The following SDK1 variants were observed in gnomAD, a reference collection of about 807,000 sequenced individuals.
The protein encoded by SDK1 is protein sidekick-1.
SDK1 carries 157 observed loss-of-function variants against 245.5 expected under a neutral mutation model. The observed-to-expected ratio is 0.64, with a 90% CI of 0.56 to 0.73. The LOEUF is 0.73. Ranked by LOEUF, SDK1 falls within the 30% of genes least tolerant of loss-of-function variation. The pLI is 0.00. For synonymous variants in SDK1, 1,647 were observed against 1,278.5 expected, an observed-to-expected ratio of 1.29 and a Z score of -6.15; for missense variants, 3,583 against 3,002.3, an observed-to-expected ratio of 1.19 and a Z score of -4.52.
chr7:3,500,350 A>G (rs1340232781), intron 1 of SDK1, among the ~76,000 whole-genome samples: 1 of 152,080 alleles, frequency 6.6e-6, no homozygotes, highest in Non-Finnish European at 1.5e-5. Flanking sequence ...TGAGAAATGC[A>G]TTCTTTGAGA....
At chr7:3,451,779 C>T (rs990963948) in intron 1 of SDK1, among the ~76,000 whole-genome samples, 1 of 152,190 alleles carries the variant, frequency 6.6e-6, no homozygotes, top group African/African-American at 2.4e-5. Context: ...AAAACGTCCA[C>T]ATTTTTTCTC....
intron 17 of SDK1, among the ~76,000 whole-genome samples, chr7:4,027,509 G>A (rs927997636): frequency 1.3e-5 from 2 of 152,110 alleles, no homozygotes; most frequent in Non-Finnish European, 2.9e-5. Context: ...GCCCAGGAGG[G>A]CCTATGAATT....
Position 3,929,222 on chromosome 7 carries a change from G to A in SDK1, c.848-21701G>A, listed in dbSNP as rs568637315. Among the ~76,000 whole-genome samples, 7 of 152,290 alleles carry A rather than the reference G, an allele frequency of 4.6e-5. No individual in the cohort carries two copies. The East Asian group carries it at 5.8e-4, about 13-fold the overall frequency. On this transcript the variant is annotated intron_variant, in intron 5 of 44. Transcript: ENST00000404826. ...TACCATCCTTAACAGCAAGCTTGCC[G>A]CCAAATTCCGTCACTGATTATTTTG...
intron 35 of SDK1, among the ~76,000 whole-genome samples, chr7:4,193,445 A>G (rs1783360566): frequency 6.8e-6 from 1 of 147,604 alleles, no homozygotes; most frequent in Admixed American, 7.0e-5. Context: ...AAGGACCAAC[A>G]ATAGGCTGGG....
At chr7:3,341,310 A>T (rs762985537) in intron 1 of SDK1, among the ~76,000 whole-genome samples, 2 of 152,206 alleles carry the variant, frequency 1.3e-5, no homozygotes, top group Admixed American at 6.5e-5. Flanking sequence ...TCCAACATTC[A>T]TTCATGATTA....
At chr7:4,265,024 C>T (rs944325799) in intron 44 of SDK1, 100 bp from the exon 45 acceptor site, 6 of 1,500,546 alleles carry the variant, frequency 4.0e-6, no homozygotes, top group Admixed American at 2.1e-5. Context: ...CCGCGACACA[C>T]GCCCCTGGGG....
intron 32 of SDK1, among the ~76,000 whole-genome samples, chr7:4,162,911 G>A (rs1484676092): frequency 1.3e-5 from 2 of 152,242 alleles, no homozygotes; most frequent in Non-Finnish European, 2.9e-5. Flanking sequence ...AACTGCCCAA[G>A]GAAGGGCTGC....
chr7:3,402,941 G>GTTTC (rs142648322), intron 1 of SDK1, among the ~76,000 whole-genome samples: 2 of 151,796 alleles, frequency 1.3e-5, no homozygotes, highest in East Asian at 3.9e-4. Context: ...CTATTCCTCT[G>GTTTC]TTTCTTTCTT....
rs1450101296 is a variant in SDK1, at chr7:3,515,609, C to G, written c.299-103471C>G. The stretch of plus-strand genomic sequence containing the variant: ...TAAAATAGTAGACTTCTCTTATGCT[C>G]CAAAATTTAAAACTGAAGGAACAAG... On this transcript the variant is annotated intron_variant, in intron 1 of 44. Coordinates refer to ENST00000404826, the MANE Select transcript of SDK1 (RefSeq NM_152744.4). Among the ~76,000 whole-genome samples, 6 of 152,164 alleles carry G rather than the reference C, an allele frequency of 3.9e-5. No homozygotes were observed. The East Asian group carries it at 7.7e-4, about 20-fold the overall frequency.
At chr7:3,682,113 T>G (rs1002625670) in intron 4 of SDK1, among the ~76,000 whole-genome samples, 5 of 152,224 alleles carry the variant, frequency 3.3e-5, no homozygotes, top group Non-Finnish European at 5.9e-5. Context: ...CAGTGAAGAT[T>G]ATGATGCTAA....
chr7:4,095,766 G>C (rs922849771), intron 22 of SDK1, among the ~76,000 whole-genome samples: 3 of 152,116 alleles, frequency 2.0e-5, no homozygotes, highest in Admixed American at 2.0e-4. Context: ...TAGAGATGGG[G>C]TTTCGCCGTG....
At chr7:3,696,942 T>C (rs1784591777) in intron 4 of SDK1, among the ~76,000 whole-genome samples, 1 of 152,044 alleles carries the variant, frequency 6.6e-6, no homozygotes, top group Non-Finnish European at 1.5e-5. Context: ...ATACGGTTTA[T>C]GGAAAAATTC....
chr7:3,838,406 G>A (rs1052803120), intron 5 of SDK1, among the ~76,000 whole-genome samples: 3 of 152,210 alleles, frequency 2.0e-5, no homozygotes, highest in Non-Finnish European at 2.9e-5. Context: ...CCTGAGAGAC[G>A]ATGTTTAACT....
chr7:3,758,753 C>A (rs189364400), intron 4 of SDK1, among the ~76,000 whole-genome samples: 10 of 152,200 alleles, frequency 6.6e-5, no homozygotes, highest in Admixed American at 2.6e-4. Flanking sequence ...GATTAGAAAC[C>A]AAGACTGAAG....
At chr7:3,506,575 T>C (rs1782398871) in intron 1 of SDK1, among the ~76,000 whole-genome samples, 1 of 152,242 alleles carries the variant, frequency 6.6e-6, no homozygotes, top group South Asian at 2.1e-4. Flanking sequence ...GACATGCATA[T>C]TATATTATCA....
chr7:3,827,732 T>C (rs1252353682), intron 5 of SDK1, among the ~76,000 whole-genome samples: 7 of 152,148 alleles, frequency 4.6e-5, no homozygotes, highest in African/African-American at 1.7e-4. Flanking sequence ...TCAGGCCATG[T>C]GTTTAAGAGC....
At chr7:3,453,793 C>T (rs1434707317) in intron 1 of SDK1, among the ~76,000 whole-genome samples, 1 of 152,102 alleles carries the variant, frequency 6.6e-6, no homozygotes, top group Admixed American at 6.5e-5. Context: ...ATTGCCCAGG[C>T]TGGTCTCAAG....
intron 4 of SDK1, among the ~76,000 whole-genome samples, chr7:3,776,056 A>G (rs1780550477): frequency 6.6e-6 from 1 of 152,236 alleles, no homozygotes; most frequent in East Asian, 1.9e-4. Flanking sequence ...TTCTTCATTC[A>G]TCACCTACCA....
intron 1 of SDK1, among the ~76,000 whole-genome samples, chr7:3,356,170 A>G (rs2128559391): frequency 6.6e-6 from 1 of 152,252 alleles, no homozygotes; most frequent in East Asian, 1.9e-4. Flanking sequence ...CACAGTTAAT[A>G]TAAATATCTG....
Sources: allele counts gnomAD v4.1 joint callset (sites outside exome capture counted in the v4.1 genomes callset), GRCh38; gene constraint gnomAD v4.1.1; transcripts MANE v1.5; gene names NCBI Gene and HGNC (gene_info 2026-07-23, HGNC 2026-07-21).